CADPS2: variants seen among roughly 807,000 people sequenced by gnomAD.
CADPS2 encodes calcium-dependent secretion activator 2.
A neutral mutation model predicts 172.5 loss-of-function variants in CADPS2; 93 were observed. The ratio of observed to expected loss-of-function variants is 0.54; its 90% CI spans 0.46 to 0.64. The LOEUF (loss-of-function observed/expected upper bound fraction) is 0.64. Ranked by LOEUF, CADPS2 falls within the 30% of genes least tolerant of loss-of-function variation. CADPS2 has a pLI of 0.00. For synonymous variants in CADPS2, 546 were observed against 555.2 expected, an observed-to-expected ratio of 0.98 and a Z score of 0.23; for missense variants, 1,420 against 1,565.9, an observed-to-expected ratio of 0.91 and a Z score of 1.57.
chr7:122,441,641 T>C, intron 15 of CADPS2, 66 bp from the exon 16 acceptor site: 1 of 974,552 alleles, frequency 1.0e-6, no homozygotes, highest in South Asian at 1.8e-5. Flanking sequence ...AAATAATTCC[T>C]GCTTGTATTA....
chr7:122,744,092 C>T (rs2092616428), intron 1 of CADPS2, among the ~76,000 whole-genome samples: 1 of 152,194 alleles, frequency 6.6e-6, no homozygotes, highest in Admixed American at 6.6e-5. Context: ...TTAAGACCAA[C>T]CAGATGCAAG....
chr7:122,351,768 T>A (rs2038682810), intron 27 of CADPS2, among the ~76,000 whole-genome samples: 1 of 152,216 alleles, frequency 6.6e-6, no homozygotes. Context: ...GAATCTATTA[T>A]AATTAATGCT....
At chr7:122,482,169 G>GA (rs1303852512) in intron 11 of CADPS2, among the ~76,000 whole-genome samples, 1 of 152,088 alleles carries the variant, frequency 6.6e-6, no homozygotes, top group East Asian at 1.9e-4. Flanking sequence ...AGGATGTTAA[G>GA]AAAAAATATG....
At chr7:122,836,347 G>T (rs138765322) in intron 1 of CADPS2, among the ~76,000 whole-genome samples, 4 of 152,000 alleles carry the variant, frequency 2.6e-5, no homozygotes, top group Non-Finnish European at 2.9e-5. Context: ...AAAGACCACC[G>T]AGGCTGGGAA....
Position 122,702,168 on chromosome 7 carries a change from A to AT in CADPS2, c.453+34786dup, listed in dbSNP as rs575465318. 1.1e-4 allele frequency: 178 copies of AT among 1,613,812 alleles called. 2 individuals are homozygous for AT. The East Asian group carries it at 3.7e-3, about 33-fold the overall frequency. On this transcript the variant is annotated intron_variant, in intron 2 of 29. Transcript: ENST00000449022. ...GCAATTGTGGCAGCCAGGAAGGTAA[A>AT]TAGATACATGATGTAATGGCTCACC...
chr7:122,572,845 C>T (rs945624314), intron 7 of CADPS2, among the ~76,000 whole-genome samples: 1 of 152,092 alleles, frequency 6.6e-6, no homozygotes, highest in African/African-American at 2.4e-5. Context: ...CTTGTTCTGC[C>T]TCCAGGTATT....
intron 1 of CADPS2, among the ~76,000 whole-genome samples, chr7:122,820,248 C>A (rs1409395540): frequency 1.3e-5 from 2 of 152,260 alleles, no homozygotes; most frequent in East Asian, 3.9e-4. Flanking sequence ...ACCCTGACAG[C>A]CAACAAGCTC....
chr7:122,527,589 A>AGC (rs2061347511), intron 8 of CADPS2, among the ~76,000 whole-genome samples: 1 of 105,354 alleles, frequency 9.5e-6, no homozygotes, highest in South Asian at 3.3e-4. Context: ...GAATAGAGAG[A>AGC]GAGAGAGAGA....
At chr7:122,790,026 G>GTTTTT (rs771290127) in intron 1 of CADPS2, among the ~76,000 whole-genome samples, 4,068 of 140,494 alleles carry the variant, frequency 0.029, 117 homozygotes, top group Non-Finnish European at 0.038. Flanking sequence ...CAAATATTAA[G>GTTTTT]TGTTTTTTTT....
chr7:122,414,325 T>A (rs1417946096), intron 18 of CADPS2, among the ~76,000 whole-genome samples: 3 of 152,204 alleles, frequency 2.0e-5, no homozygotes, highest in Non-Finnish European at 4.4e-5. Flanking sequence ...GCAAGAAGTA[T>A]AATTAACATT....
chr7:122,577,393 T>C (rs1368244335), intron 7 of CADPS2, among the ~76,000 whole-genome samples: 1 of 152,150 alleles, frequency 6.6e-6, no homozygotes, highest in African/African-American at 2.4e-5. Context: ...TGTCTACCCC[T>C]ATAATTTTCT....
At chr7:122,379,510 G>A (rs780607943) in intron 24 of CADPS2, 68 bp from the exon 25 acceptor site, 1 of 917,172 alleles carries the variant, frequency 1.1e-6, no homozygotes, top group South Asian at 1.4e-5. Flanking sequence ...AGTCATAAAT[G>A]CTCTAAATCT....
intron 8 of CADPS2, among the ~76,000 whole-genome samples, chr7:122,545,317 T>C (rs887401244): frequency 1.3e-5 from 2 of 152,108 alleles, no homozygotes; most frequent in African/African-American, 4.8e-5. Flanking sequence ...TTGGCACATA[T>C]GTATGAGAAA....
chr7:122,608,793 T>C (rs1346793163), intron 6 of CADPS2, among the ~76,000 whole-genome samples: 1 of 152,180 alleles, frequency 6.6e-6, no homozygotes, highest in Non-Finnish European at 1.5e-5. Flanking sequence ...TTTATTTTTT[T>C]CTCTAACAAA....
intron 1 of CADPS2, among the ~76,000 whole-genome samples, chr7:122,786,922 T>A (rs1198740212): frequency 1.3e-5 from 2 of 152,198 alleles, no homozygotes; most frequent in East Asian, 3.9e-4. Flanking sequence ...CCAGGTTCCA[T>A]GAGAACAGGT....
intron 25 of CADPS2, among the ~76,000 whole-genome samples, chr7:122,363,539 T>A (rs1360752811): frequency 1.3e-5 from 2 of 150,874 alleles, no homozygotes; most frequent in Non-Finnish European, 3.0e-5. Context: ...AGCCTGTTGA[T>A]GAATTTACTT....
Position 122,730,981 on chromosome 7 carries a change from A to G in CADPS2, c.453+5974T>C, listed in dbSNP as rs528459663. Reference sequence around the variant, plus strand: ...CTGTTCCCCAAATTTCATAATAAACATATTGAAAAATTTTTTTTTAATTCA... The same window carrying G: ...CTGTTCCCCAAATTTCATAATAAACGTATTGAAAAATTTTTTTTTAATTCA... On this transcript the variant is annotated intron_variant, in intron 2 of 29. Coordinates refer to ENST00000449022, the MANE Select transcript of CADPS2 (RefSeq NM_017954.11). Among the ~76,000 whole-genome samples the G allele has an allele frequency of 6.7e-5, 10 of 150,180 alleles. No individual in the cohort carries two copies. The East Asian group carries it at 2.0e-3, about 30-fold the overall frequency.
Position 122,886,239 on chromosome 7 carries a change from A to C in CADPS2, c.99T>G (p.Pro33=), listed in dbSNP as rs1179375179. ...LVAAGSSQRA[P]PAPTREGRRD... is the part of the protein sequence containing the mutation. Reference sequence around the variant, plus strand: ...GCCGCCCTTCCCGAGTCGGGGCTGGAGGAGCTCGCTGCGAGCTGCCGGCTG... The same window carrying C: ...GCCGCCCTTCCCGAGTCGGGGCTGGCGGAGCTCGCTGCGAGCTGCCGGCTG... Residue 33 remains proline (P), a synonymous_variant, in exon 1 of 30, where the codon CCT becomes CCG. Coordinates refer to ENST00000449022, the MANE Select transcript of CADPS2 (RefSeq NM_017954.11). 4.7e-6 allele frequency: 7 copies of C among 1,498,068 alleles called. No homozygotes were observed. Among genetic ancestry groups the C allele is most frequent in the Non-Finnish European group, 5.3e-6 (6 of 1,131,078 alleles). 92.8% of individuals were successfully genotyped at this position (1,498,068 alleles called of 1,614,324 possible).
intron 6 of CADPS2, among the ~76,000 whole-genome samples, chr7:122,591,371 T>C (rs1459350497): frequency 6.6e-6 from 1 of 152,128 alleles, no homozygotes; most frequent in East Asian, 1.9e-4. Flanking sequence ...TCCATGCTCA[T>C]GGTTAGGAAG....
Sources: gnomAD v4.1 joint callset for allele counts (sites outside exome capture counted in the v4.1 genomes callset) on GRCh38, gnomAD v4.1.1 for gene constraint, MANE v1.5 for transcripts, NCBI Gene and HGNC (gene_info 2026-07-23, HGNC 2026-07-21) for gene names.